NUP160: variants seen among roughly 807,000 people sequenced by gnomAD.
The protein encoded by NUP160 is nucleoporin 160.
A neutral mutation model predicts 196.9 loss-of-function variants in NUP160; 94 were observed. That is an observed-to-expected ratio of 0.48 (90% CI 0.40 to 0.57). The LOEUF (loss-of-function observed/expected upper bound fraction) is 0.57, where lower values mean the gene tolerates loss of function less well. NUP160 is among the 20% of genes least tolerant of loss of function. The pLI is 0.00. For synonymous variants in NUP160, 605 were observed against 619.7 expected (o/e 0.98, Z 0.35); for missense variants, 1,638 against 1,748.3 (o/e 0.94, Z 1.13).
chr11:47,843,517 G>C (rs965095003), intron 2 of NUP160, among the ~76,000 whole-genome samples: 1 of 152,134 alleles, frequency 6.6e-6, no homozygotes, highest in Non-Finnish European at 1.5e-5. Flanking sequence ...GTGCCCCAGG[G>C]TTCAGTCCCA....
intron 13 of NUP160, 76 bp downstream of exon 13, chr11:47,815,403 G>A: frequency 8.2e-7 from 1 of 1,219,972 alleles, no homozygotes; most frequent in Non-Finnish European, 1.1e-6. Context: ...TGAACTTTTT[G>A]TTTTCTGAAG....
chr11:47,792,681 A>T, intron 28 of NUP160, 105 bp downstream of exon 28: 1 of 1,114,862 alleles, frequency 9.0e-7, no homozygotes, highest in South Asian at 1.7e-5. Flanking sequence ...AGAAATTGTA[A>T]ATCAAAAGAA....
At chr11:47,848,434 AGGC>A in exon 1 of NUP160, 1 of 1,531,558 alleles carries the variant, frequency 6.5e-7, no homozygotes, top group Non-Finnish European at 8.7e-7. Context: ...GGGAGCAGAA[AGGC>A]GGCTCCGGCC....
At chr11:47,809,957 A>C (rs750020981) in intron 17 of NUP160, among the ~76,000 whole-genome samples, 1 of 152,070 alleles carries the variant, frequency 6.6e-6, no homozygotes, top group African/African-American at 2.4e-5. Context: ...CTGGGTAGAA[A>C]ATTATAAATT....
At chr11:47,822,149 A>G in exon 8 of NUP160, 1 of 1,607,276 alleles carries the variant, frequency 6.2e-7, no homozygotes, top group Non-Finnish European at 8.5e-7. Context: ...GTGCTCACCA[A>G]CTGGAAAATG....
chr11:47,821,609 C>T, intron 9 of NUP160, 115 bp downstream of exon 9: 1 of 727,128 alleles, frequency 1.4e-6, no homozygotes, highest in Non-Finnish European at 2.4e-6. Flanking sequence ...ATTTGCCTGC[C>T]TCGGCCTCTC....
chr11:47,780,370 C>G lies in NUP160; in HGVS notation c.4194G>C (p.Glu1398Asp), dbSNP rs1482707246. Residue 1398 changes from glutamate (E) to aspartate (D), a missense_variant, in exon 35 of 36, where the codon GAG (glutamate) becomes GAC (aspartate). Physicochemically the swap from Glu to Asp is conservative, Grantham distance 45. Coordinates refer to ENST00000378460, the Ensembl canonical transcript of NUP160. ...CGATGTTGTGACTGTTGGCACTGTTCTCTCCCAGAGCTTGGAGAAGCTGAT... is the reference window on the plus strand; with the variant it reads ...CGATGTTGTGACTGTTGGCACTGTTGTCTCCCAGAGCTTGGAGAAGCTGAT... 4 of 1,613,330 alleles carry G rather than the reference C, an allele frequency of 2.5e-6. No individual in the cohort carries two copies. Among genetic ancestry groups the G allele is most frequent in the African/African-American group, 1.3e-5 (1 of 74,902 alleles).
chr11:47,783,220 G>A, intron 33 of NUP160, 22 bp from the exon 34 acceptor site: 1 of 1,610,454 alleles, frequency 6.2e-7, no homozygotes, highest in Non-Finnish European at 8.5e-7. Flanking sequence ...CAGTGATTAA[G>A]AATATGTACC....
At position 47,782,942 on chromosome 11, in the gene NUP160, A is replaced by G. The variant is rs546621620; in HGVS notation, c.4116+131T>C. The stretch of plus-strand genomic sequence containing the variant: ...CCAAAGTGCTGGGATTATAGGCATG[A>G]GTCACTGTGCCCGGCCATCAGTATT... On this transcript the variant is annotated intron_variant, in intron 34 of 35. Coordinates refer to ENST00000378460, the Ensembl canonical transcript of NUP160. 1.8e-4 allele frequency: 142 copies of G among 783,138 alleles called. 1 individual carries two copies. The African/African-American group carries it at 2.1e-3, about 11-fold the overall frequency. The allele number at this position is 783,138 out of a possible 1,614,324, so 48.5% of individuals were successfully genotyped here.
intron 2 of NUP160, among the ~76,000 whole-genome samples, chr11:47,846,172 ATTTT>A (rs1295418329): frequency 6.7e-6 from 1 of 150,288 alleles, no homozygotes; most frequent in Non-Finnish European, 1.5e-5. Flanking sequence ...AGAAAAAAAA[ATTTT>A]TTTTGTAGAA....
intron 7 of NUP160, among the ~76,000 whole-genome samples, chr11:47,825,283 A>G (rs1418651266): frequency 3.3e-5 from 5 of 150,400 alleles, no homozygotes; most frequent in Admixed American, 2.7e-4. Context: ...TGAACTTTTT[A>G]AATAACTTTT....
At chr11:47,808,934 T>C (rs2097679333) in intron 17 of NUP160, among the ~76,000 whole-genome samples, 1 of 151,862 alleles carries the variant, frequency 6.6e-6, no homozygotes, top group South Asian at 2.1e-4. Flanking sequence ...ACCCCGTCTG[T>C]AGTAAAAATT....
At position 47,819,365 on chromosome 11, in the gene NUP160, T is replaced by A. The variant is rs200297219; in HGVS notation, c.1362+9A>T. ...CATTCCCTTATATAACATTTGAGCA[T>A]CTACTTACTCTGGGGTCTTGATCAT... On this transcript the variant is annotated intron_variant, in intron 10 of 35. Transcript: ENST00000378460. The A allele has an allele frequency of 1.3e-6, 2 of 1,551,512 alleles. No individual in the cohort carries two copies. Among genetic ancestry groups the A allele is most frequent in the East Asian group, 4.5e-5 (2 of 44,488 alleles).
chr11:47,836,517 G>A, intron 6 of NUP160, among the ~76,000 whole-genome samples: 1 of 152,128 alleles, frequency 6.6e-6, no homozygotes, highest in East Asian at 1.9e-4. Context: ...GAGCAGCTGA[G>A]GTGGGGAATT....
At chr11:47,780,191 C>A in intron 35 of NUP160, 152 bp downstream of exon 35, 1 of 574,034 alleles carries the variant, frequency 1.7e-6, no homozygotes, top group Non-Finnish European at 3.2e-6. Flanking sequence ...AGATCCTCTG[C>A]CTTATCTATA....
intron 17 of NUP160, among the ~76,000 whole-genome samples, chr11:47,808,973 C>T (rs1341691999): frequency 6.6e-6 from 1 of 152,026 alleles, no homozygotes; most frequent in South Asian, 2.1e-4. Flanking sequence ...TGGTGGTGGG[C>T]GCCTGTATTC....
intron 33 of NUP160, 150 bp downstream of exon 33, chr11:47,784,772 G>T: frequency 2.1e-6 from 1 of 471,680 alleles, no homozygotes; most frequent in Non-Finnish European, 3.6e-6. Context: ...AAACTCCTGG[G>T]CTCAAGCCAT....
chr11:47,780,196 T>G, intron 35 of NUP160, 147 bp downstream of exon 35: 1 of 584,104 alleles, frequency 1.7e-6, no homozygotes, highest in Non-Finnish European at 3.1e-6. Context: ...CTCTGCCTTA[T>G]CTATAAAGGG....
intron 35 of NUP160, 123 bp downstream of exon 35, chr11:47,780,220 T>C (rs2097659865): frequency 1.5e-6 from 1 of 678,752 alleles, no homozygotes; most frequent in East Asian, 2.8e-5. Context: ...GGGCAGTTTG[T>C]TAAGGGCCAA....
Sources: allele counts gnomAD v4.1 joint callset (sites outside exome capture counted in the v4.1 genomes callset), GRCh38; gene constraint gnomAD v4.1.1; transcripts MANE v1.5; gene names NCBI Gene and HGNC (gene_info 2026-07-23, HGNC 2026-07-21).